MTPN: variants seen among roughly 807,000 people sequenced by gnomAD.
MTPN encodes granule cell differentiation protein.
A neutral mutation model predicts 13.5 loss-of-function variants in MTPN; 2 were observed. The ratio of observed to expected loss-of-function variants is 0.15; its 90% CI spans 0.06 to 0.47. The LOEUF (loss-of-function observed/expected upper bound fraction) is 0.47. MTPN is among the 20% of genes least tolerant of loss of function. MTPN has a pLI of 0.97. For synonymous variants in MTPN, 46 were observed against 51.7 expected, an observed-to-expected ratio of 0.89 and a Z score of 0.48; for missense variants, 79 against 137.9, an observed-to-expected ratio of 0.57 and a Z score of 2.14.
intron 1 of MTPN, among the ~76,000 whole-genome samples, chr7:135,972,259 A>ACACACACACACACACC (rs984456704): frequency 2.7e-5 from 3 of 111,270 alleles, no homozygotes; most frequent in African/African-American, 9.9e-5. Flanking sequence ...ACACACACAC[A>ACACACACACACACACC]CCCCATGTAG....
chr7:135,972,227 G>A (rs558160801), intron 1 of MTPN, among the ~76,000 whole-genome samples: 39 of 116,724 alleles, frequency 3.3e-4, no homozygotes, highest in African/African-American at 1.2e-3. Flanking sequence ...ACGCGCACGC[G>A]CGCGCACACA....
At chr7:135,930,285 C>T (rs1030388584) in intron 3 of MTPN, among the ~76,000 whole-genome samples, 1 of 152,060 alleles carries the variant, frequency 6.6e-6, no homozygotes, top group Admixed American at 6.5e-5. Context: ...AGGAAGAGCA[C>T]GTTGAGCAAG....
chr7:135,927,511 C>A lies in MTPN; in HGVS notation c.*2415G>T. 8.6e-7 allele frequency: 1 copy of A among 1,163,714 alleles called. No individual in the cohort carries two copies. The highest frequency in any genetic ancestry group is 1.5e-5 in the South Asian group (1 of 67,500). The allele number at this position is 1,163,714 out of a possible 1,614,324, so 72.1% of individuals were successfully genotyped here. On this transcript the variant is annotated 3_prime_UTR_variant, in exon 4 of 4. Transcript: ENST00000393085. ...TGTTAAGTATTACTTCAGTGGAGAA[C>A]AAAACTTACTTAACCTTTCGCTAAT...
In MTPN at chr7:135,927,938, GAAAA is replaced by G. The variant is rs1798950197; in HGVS notation, c.*1984_*1987del. The G allele has an allele frequency of 1.5e-4, 43 of 291,038 alleles. No individual in the cohort carries two copies. Among genetic ancestry groups the G allele is most frequent in the Admixed American group, 5.2e-5 (1 of 19,318 alleles). 18.0% of individuals were successfully genotyped at this position (291,038 alleles called of 1,614,324 possible). A position where few individuals can be genotyped will look rare whatever the true frequency, so the allele number is the denominator to read the frequency against. ...AACAAAACACTTTGAAAGTAAAGGT[GAAAA>G]TTATATAAAGGGAAAAATTCAAGCC... is the stretch of plus-strand genomic sequence containing the variant. On this transcript the variant is annotated 3_prime_UTR_variant, in exon 4 of 4. Transcript: ENST00000393085.
At position 135,927,209 on chromosome 7, in the gene MTPN, C is replaced by T. The variant is rs1798933417; in HGVS notation, c.*2717G>A. On this transcript the variant is annotated 3_prime_UTR_variant, in exon 4 of 4. Coordinates refer to ENST00000393085, the MANE Select transcript of MTPN (RefSeq NM_145808.4). ...GGAAAAGATATCAATGAATAAAAGG[C>T]CTACTTGTTTGCAGCTTCCACACAC... is the stretch of plus-strand genomic sequence containing the variant. 8.7e-7 allele frequency: 1 copy of T among 1,152,724 alleles called. No individual in the cohort carries two copies. Among genetic ancestry groups the T allele is most frequent in the African/African-American group, 1.6e-5 (1 of 63,136 alleles). The allele number at this position is 1,152,724 out of a possible 1,614,324, so 71.4% of individuals were successfully genotyped here.
intron 1 of MTPN, among the ~76,000 whole-genome samples, chr7:135,966,507 T>C (rs1562936428): frequency 2.0e-5 from 3 of 152,050 alleles, no homozygotes; most frequent in African/African-American, 7.2e-5. Flanking sequence ...TGAAGTACAG[T>C]TTCTACCGAA....
At chr7:135,956,045 C>A (rs1799439551) in intron 1 of MTPN, among the ~76,000 whole-genome samples, 1 of 152,118 alleles carries the variant, frequency 6.6e-6, no homozygotes, top group Non-Finnish European at 1.5e-5. Context: ...CTAATCAGTA[C>A]AACCAGGCAT....
At chr7:135,976,800 T>C (rs897368693) in intron 1 of MTPN, among the ~76,000 whole-genome samples, 3 of 152,054 alleles carry the variant, frequency 2.0e-5, no homozygotes, top group African/African-American at 7.3e-5. Flanking sequence ...AGGTAGCGCC[T>C]AACTGTATTA....
intron 1 of MTPN, among the ~76,000 whole-genome samples, chr7:135,954,614 T>A (rs1799413428): frequency 6.6e-6 from 1 of 152,138 alleles, no homozygotes; most frequent in Admixed American, 6.5e-5. Context: ...ATCAATAAGA[T>A]CTTTGTCAAA....
At chr7:135,963,689 T>A (rs191246328) in intron 1 of MTPN, among the ~76,000 whole-genome samples, 1 of 152,072 alleles carries the variant, frequency 6.6e-6, no homozygotes, top group South Asian at 2.1e-4. Context: ...AAACTTTCAA[T>A]GATACAAATA....
At chr7:135,976,876 C>G (rs1487396771) in intron 1 of MTPN, among the ~76,000 whole-genome samples, 153 bp downstream of exon 1, 1 of 152,120 alleles carries the variant, frequency 6.6e-6, no homozygotes, top group East Asian at 1.9e-4. Context: ...TTTAGCTCCT[C>G]CCTAGACGCC....
intron 3 of MTPN, among the ~76,000 whole-genome samples, chr7:135,937,428 A>G (rs1035547720): frequency 6.6e-6 from 1 of 151,488 alleles, no homozygotes; most frequent in Admixed American, 6.6e-5. Context: ...CTTGAACCAA[A>G]TATAAATACA....
Position 135,928,800 on chromosome 7 carries a change from T to C in MTPN, c.*1126A>G, listed in dbSNP as rs985105955. ...TTATAAAAGCAACAAAAATATATTA[T>C]GCAGGTGGGTTGGCATATGTTCAGC... On this transcript the variant is annotated 3_prime_UTR_variant, in exon 4 of 4. Coordinates refer to ENST00000393085, the MANE Select transcript of MTPN (RefSeq NM_145808.4). 35 of 167,080 alleles carry C rather than the reference T, an allele frequency of 2.1e-4. No homozygotes were observed. The highest frequency in any genetic ancestry group is 4.4e-4 in the Non-Finnish European group (30 of 68,128). 10.3% of individuals were successfully genotyped at this position (167,080 alleles called of 1,614,324 possible). A position where few individuals can be genotyped will look rare whatever the true frequency, so the allele number is the denominator to read the frequency against.
intron 1 of MTPN, among the ~76,000 whole-genome samples, chr7:135,975,289 A>G (rs1378636697): frequency 6.6e-6 from 1 of 152,226 alleles, no homozygotes; most frequent in Non-Finnish European, 1.5e-5. Flanking sequence ...GACCCTGGGA[A>G]TGTCCTACTA....
At position 135,927,673 on chromosome 7, in the gene MTPN, A is replaced by G. The variant is rs559021936; in HGVS notation, c.*2253T>C. 7.2e-5 allele frequency: 42 copies of G among 586,694 alleles called. No individual in the cohort carries two copies. In the African/African-American group the frequency reaches 7.2e-4, roughly 10 times the overall value. 36.3% of individuals were successfully genotyped at this position (586,694 alleles called of 1,614,324 possible). A position where few individuals can be genotyped will look rare whatever the true frequency, so the allele number is the denominator to read the frequency against. On this transcript the variant is annotated 3_prime_UTR_variant, in exon 4 of 4. Coordinates refer to ENST00000393085, the MANE Select transcript of MTPN (RefSeq NM_145808.4). ...TAGTTAAAAAAAGAAACTGTGAACC[A>G]TCTTGGTCAGTCTATTCTATTCTAT...
At chr7:135,973,296 G>T (rs970802875) in intron 1 of MTPN, among the ~76,000 whole-genome samples, 2 of 148,232 alleles carry the variant, frequency 1.3e-5, no homozygotes, top group African/African-American at 2.5e-5. Context: ...GTCCAGGCTG[G>T]AAAGAAGCAG....
At position 135,940,484 on chromosome 7, in the gene MTPN, G is replaced by A. The variant is rs372998235; in HGVS notation, c.270+10115C>T. On this transcript the variant is annotated intron_variant, in intron 3 of 3. Transcript: ENST00000393085. The stretch of plus-strand genomic sequence containing the variant: ...GATTGTTACCTCCCTTACATTTTTC[G>A]TAGCAGTTTTGAGTTTTTAATGTAA... Among the ~76,000 whole-genome samples the A allele has an allele frequency of 2.6e-5, 4 of 152,094 alleles. No homozygotes were observed. In the South Asian group the frequency reaches 6.2e-4, roughly 24 times the overall value.
intron 3 of MTPN, among the ~76,000 whole-genome samples, chr7:135,945,971 AT>A (rs1562931295): frequency 4.6e-5 from 7 of 152,200 alleles, no homozygotes; most frequent in African/African-American, 1.7e-4. Flanking sequence ...AGAAATAATA[AT>A]AATAAAATAG....
chr7:135,968,586 T>A (rs113586251), intron 1 of MTPN, among the ~76,000 whole-genome samples: 91 of 152,332 alleles, frequency 6.0e-4, no homozygotes, highest in African/African-American at 1.8e-3. Flanking sequence ...TGCTGTGATT[T>A]GATTATCTAA....
Sources: gnomAD v4.1 joint callset for allele counts (sites outside exome capture counted in the v4.1 genomes callset) on GRCh38, gnomAD v4.1.1 for gene constraint, MANE v1.5 for transcripts, NCBI Gene and HGNC (gene_info 2026-07-23, HGNC 2026-07-21) for gene names.